The following RYR2 variants were observed in gnomAD, a reference collection of about 807,000 sequenced individuals.
The protein encoded by RYR2 is ryanodine receptor 2.
RYR2 carries 227 observed loss-of-function variants against 601.1 expected under a neutral mutation model. The ratio of observed to expected loss-of-function variants is 0.38; its 90% CI spans 0.34 to 0.42. The LOEUF (loss-of-function observed/expected upper bound fraction) is 0.42, where lower values mean the gene tolerates loss of function less well. RYR2 is among the 10% of genes least tolerant of loss of function. The pLI, the probability that RYR2 is intolerant of heterozygous loss-of-function variation, is 1.00. For synonymous variants in RYR2, 2,223 were observed against 2,175.1 expected, an observed-to-expected ratio of 1.02 and a Z score of -0.61; for missense variants, 4,646 against 6,156.5, an observed-to-expected ratio of 0.75 and a Z score of 8.21.
At chr1:237,123,924 C>A (rs1002168054) in intron 1 of RYR2, among the ~76,000 whole-genome samples, 14 of 152,134 alleles carry the variant, frequency 9.2e-5, no homozygotes, top group Non-Finnish European at 1.3e-4. Flanking sequence ...GCCTCGGCCT[C>A]CCAACAGTCA....
chr1:237,413,868 A>T (rs1228420344), intron 10 of RYR2, among the ~76,000 whole-genome samples: 2 of 152,066 alleles, frequency 1.3e-5, no homozygotes, highest in African/African-American at 4.8e-5. Context: ...TGCAGATTAA[A>T]AGTGTTCAAA....
chr1:237,815,674 CAAG>C (rs1661742294), intron 100 of RYR2, among the ~76,000 whole-genome samples: 1 of 152,098 alleles, frequency 6.6e-6, no homozygotes. Context: ...AGATGGCTGA[CAAG>C]AGATCTGCAA....
chr1:237,562,842 G>C (rs1671591055), intron 27 of RYR2, among the ~76,000 whole-genome samples: 1 of 152,120 alleles, frequency 6.6e-6, no homozygotes, highest in African/African-American at 2.4e-5. Flanking sequence ...CTACCCATTA[G>C]CTATTTGTCT....
At chr1:237,538,011 G>T (rs1668827510) in intron 25 of RYR2, among the ~76,000 whole-genome samples, 1 of 151,962 alleles carries the variant, frequency 6.6e-6, no homozygotes, top group African/African-American at 2.4e-5. Flanking sequence ...ATAACAAAGA[G>T]GTGATTGATA....
chr1:237,700,374 C>T lies in RYR2; in HGVS notation c.9274C>T (p.Gln3092Ter). 6.2e-7 allele frequency: 1 copy of T among 1,606,790 alleles called. No homozygotes were observed. The highest frequency in any genetic ancestry group is 8.5e-7 in the Non-Finnish European group (1 of 1,176,402). ...HTRNQPKGVT[Q>*]IINYTTVALL... ...CCGAAACCAGCCCAAAGGGGTTACTCAGATTATCAATTACACCACAGTGGC... is the reference window on the plus strand; with the variant it reads ...CCGAAACCAGCCCAAAGGGGTTACTTAGATTATCAATTACACCACAGTGGC... Residue 3092 changes from glutamine to a stop codon, truncating the protein, a stop_gained, in exon 65 of 105, where the codon CAG becomes TAG. Transcript: ENST00000366574. LOFTEE classifies it high-confidence loss of function.
chr1:237,402,022 CTAA>C (rs1435540435), intron 10 of RYR2, among the ~76,000 whole-genome samples: 7 of 152,092 alleles, frequency 4.6e-5, no homozygotes, highest in Non-Finnish European at 8.8e-5. Context: ...TAGGACTTGA[CTAA>C]AGATCAAGAG....
chr1:237,598,379 C>G (rs1224824313), intron 34 of RYR2, among the ~76,000 whole-genome samples: 1 of 152,196 alleles, frequency 6.6e-6, no homozygotes. Flanking sequence ...TTATTCTCAA[C>G]TGCTCATGTG....
intron 79 of RYR2, among the ~76,000 whole-genome samples, chr1:237,740,661 T>A (rs1326583088): frequency 6.6e-6 from 1 of 152,188 alleles, no homozygotes; most frequent in Non-Finnish European, 1.5e-5. Context: ...TATAGAAGAC[T>A]ATGTCTTTGA....
chr1:237,178,160 G>T (rs537863986), intron 1 of RYR2, among the ~76,000 whole-genome samples: 24 of 151,964 alleles, frequency 1.6e-4, no homozygotes, highest in African/African-American at 5.3e-4. Flanking sequence ...GTGGTTACTG[G>T]GTGTTTATCT....
At chr1:237,539,350 C>T (rs1669004125) in intron 25 of RYR2, among the ~76,000 whole-genome samples, 1 of 152,176 alleles carries the variant, frequency 6.6e-6, no homozygotes, top group African/African-American at 2.4e-5. Flanking sequence ...TCGATTCCTA[C>T]ACGCAACCCT....
chr1:237,173,589 T>C (rs934299830), intron 1 of RYR2, among the ~76,000 whole-genome samples: 5 of 152,170 alleles, frequency 3.3e-5, no homozygotes, highest in Non-Finnish European at 7.3e-5. Flanking sequence ...CTGGGTCAGG[T>C]GAGTCTTTCA....
chr1:237,389,097 A>G (rs183675505), intron 10 of RYR2, among the ~76,000 whole-genome samples: 8 of 152,306 alleles, frequency 5.3e-5, no homozygotes, highest in African/African-American at 1.9e-4. Flanking sequence ...CAAGAGTGAC[A>G]TAAGTCCCCT....
At chr1:237,409,086 G>A (rs1343139266) in intron 10 of RYR2, among the ~76,000 whole-genome samples, 1 of 151,960 alleles carries the variant, frequency 6.6e-6, no homozygotes, top group Non-Finnish European at 1.5e-5. Flanking sequence ...TTTGAGATTG[G>A]GGTAAATAAT....
At chr1:237,061,370 T>A (rs1040175595) in intron 1 of RYR2, among the ~76,000 whole-genome samples, 2 of 152,086 alleles carry the variant, frequency 1.3e-5, no homozygotes, top group Non-Finnish European at 2.9e-5. Context: ...CAGGCTGGAG[T>A]GCAGTGGCAC....
At chr1:237,797,295 T>A (rs987363012) in intron 96 of RYR2, among the ~76,000 whole-genome samples, 10 of 150,840 alleles carry the variant, frequency 6.6e-5, no homozygotes, top group Non-Finnish European at 1.2e-4. Context: ...TAAGAATTAT[T>A]CTAATGATTG....
In RYR2 at chr1:237,122,544, T is replaced by C. The variant is rs142097632; in HGVS notation, c.48+79975T>C. Among the ~76,000 whole-genome samples the C allele has an allele frequency of 2.4e-3, 370 of 152,256 alleles. 8 individuals are homozygous for C. The East Asian group carries it at 0.066, about 27-fold the overall frequency. On this transcript the variant is annotated intron_variant, in intron 1 of 104. Coordinates refer to ENST00000366574, the MANE Select transcript of RYR2 (RefSeq NM_001035.3). ...TAAAAATAGAACAATCAGCCAGGCG[T>C]GGTGGCCTACGCCTGTAATCCCAGC... is the stretch of plus-strand genomic sequence containing the variant.
At position 237,248,822 on chromosome 1, in the gene RYR2, C is replaced by T. The variant is rs1028072679; in HGVS notation, c.49-21675C>T. Among the ~76,000 whole-genome samples the T allele has an allele frequency of 6.8e-5, 10 of 146,424 alleles. 1 individual carries two copies. The highest frequency in any genetic ancestry group is 6.4e-4 in the South Asian group (3 of 4,672). On this transcript the variant is annotated intron_variant, in intron 1 of 104. Coordinates refer to ENST00000366574, the MANE Select transcript of RYR2 (RefSeq NM_001035.3). The stretch of plus-strand genomic sequence containing the variant: ...TGTTTCCCAGGCTAGAGTGCAATGG[C>T]GTGATCTCAGCTCACCACAACCTCT...
At chr1:237,818,702 G>A (rs1200740559) in intron 100 of RYR2, among the ~76,000 whole-genome samples, 3 of 151,720 alleles carry the variant, frequency 2.0e-5, no homozygotes, top group African/African-American at 7.3e-5. Flanking sequence ...GTATGTCCCT[G>A]AATGTGTTCG....
intron 63 of RYR2, among the ~76,000 whole-genome samples, chr1:237,691,115 T>C (rs1327672430): frequency 6.6e-6 from 1 of 152,220 alleles, no homozygotes; most frequent in Non-Finnish European, 1.5e-5. Context: ...TCTCTAAGTC[T>C]TAAGCATTTA....
Sources: gnomAD v4.1 joint callset for allele counts (sites outside exome capture counted in the v4.1 genomes callset) on GRCh38, gnomAD v4.1.1 for gene constraint, MANE v1.5 for transcripts, NCBI Gene and HGNC (gene_info 2026-07-23, HGNC 2026-07-21) for gene names.